Variants in RASA1 observed in about 807,000 individuals in gnomAD.
RASA1 encodes ras GTPase-activating protein 1.
A neutral mutation model predicts 132.2 loss-of-function variants in RASA1; 25 were observed. The ratio of observed to expected loss-of-function variants is 0.19; its 90% CI spans 0.14 to 0.26. RASA1 has a LOEUF of 0.26. RASA1 is among the 10% of genes least tolerant of loss of function. The probability of loss-of-function intolerance (pLI) is 1.00; values close to 1 mark genes in which losing one functional copy is unlikely to be tolerated. For missense variants in RASA1, 964 were observed against 1,299.2 expected, an observed-to-expected ratio of 0.74 and a Z score of 3.97; for synonymous variants, 477 against 449.9, an observed-to-expected ratio of 1.06 and a Z score of -0.76.
intron 21 of RASA1, 90 bp downstream of exon 21, chr5:87,383,870 T>C (rs1761895529): frequency 8.5e-7 from 1 of 1,179,850 alleles, no homozygotes; most frequent in African/African-American, 1.6e-5. Context: ...TTTTTTTTTT[T>C]TTTGATCATC....
intron 1 of RASA1, among the ~76,000 whole-genome samples, chr5:87,286,264 A>G (rs986373466): frequency 6.6e-6 from 1 of 152,132 alleles, no homozygotes; most frequent in Non-Finnish European, 1.5e-5. Context: ...TTGGCCTCCC[A>G]AAAGGATCTG....
intron 1 of RASA1, among the ~76,000 whole-genome samples, chr5:87,295,751 A>G (rs1032741147): frequency 6.6e-5 from 10 of 151,324 alleles, no homozygotes; most frequent in African/African-American, 1.9e-4. Context: ...GGCTAAAGCA[A>G]TCCACTCACC....
chr5:87,353,045 T>C, intron 8 of RASA1, 112 bp from the exon 9 acceptor site: 1 of 756,254 alleles, frequency 1.3e-6, no homozygotes, highest in Non-Finnish European at 2.3e-6. Flanking sequence ...TGTTATGTGC[T>C]TTGAAAAAAA....
intron 15 of RASA1, among the ~76,000 whole-genome samples, chr5:87,375,536 C>T (rs1281891096): frequency 6.6e-6 from 1 of 152,178 alleles, no homozygotes; most frequent in African/African-American, 2.4e-5. Flanking sequence ...GCTGGGATTA[C>T]ATTACCATAT....
At chr5:87,362,901 TCTTTC>T (rs1460496598) in intron 10 of RASA1, among the ~76,000 whole-genome samples, 2 of 151,506 alleles carry the variant, frequency 1.3e-5, no homozygotes, top group African/African-American at 4.8e-5. Flanking sequence ...TTTCTTTCTT[TCTTTC>T]TTTTTTTTTT....
At position 87,268,024 on chromosome 5, in the gene RASA1, G is replaced by C; in HGVS notation, c.-428G>C. The C allele has an allele frequency of 5.0e-6, 2 of 398,590 alleles. No individual in the cohort carries two copies. Among genetic ancestry groups the C allele is most frequent in the Non-Finnish European group, 4.4e-6 (1 of 226,860 alleles). The allele number at this position is 398,590 out of a possible 1,614,324, so 24.7% of individuals were successfully genotyped here. A position where few individuals can be genotyped will look rare whatever the true frequency, so the allele number is the denominator to read the frequency against. On this transcript the variant is annotated 5_prime_UTR_variant, in exon 1 of 25. Coordinates refer to ENST00000274376, the MANE Select transcript of RASA1 (RefSeq NM_002890.3). ...TGGCCCCAGCCTCAGCAGCGGCACC[G>C]GCGGTGGCTGCGGTGTGGGTGGCCG... is the stretch of plus-strand genomic sequence containing the variant.
intron 1 of RASA1, among the ~76,000 whole-genome samples, chr5:87,330,315 A>C (rs1246287410): frequency 6.6e-6 from 1 of 152,122 alleles, no homozygotes; most frequent in Non-Finnish European, 1.5e-5. Flanking sequence ...ATTGGCTTAT[A>C]TATTATATAA....
At chr5:87,334,606 C>T (rs1221910101) in intron 4 of RASA1, among the ~76,000 whole-genome samples, 6 of 152,140 alleles carry the variant, frequency 3.9e-5, no homozygotes, top group Admixed American at 2.0e-4. Flanking sequence ...AATGATGGTA[C>T]AAAAGCAATG....
chr5:87,302,075 G>GT (rs1331380920), intron 1 of RASA1, among the ~76,000 whole-genome samples: 5 of 152,048 alleles, frequency 3.3e-5, no homozygotes, highest in African/African-American at 1.2e-4. Context: ...GAATTGCTGG[G>GT]TCATAGGATG....
intron 6 of RASA1, among the ~76,000 whole-genome samples, chr5:87,343,885 A>G (rs1373591972): frequency 6.6e-6 from 1 of 152,212 alleles, no homozygotes; most frequent in African/African-American, 2.4e-5. Context: ...CTATTCAGCC[A>G]TAAACAAGAA....
intron 22 of RASA1, 107 bp from the exon 23 acceptor site, chr5:87,386,719 T>C (rs1580410806): frequency 4.4e-6 from 4 of 899,566 alleles, no homozygotes; most frequent in Admixed American, 3.5e-5. Flanking sequence ...TTTGGTGCAA[T>C]AGTAATTGCA....
At chr5:87,387,014 C>T (rs1248388526) in intron 23 of RASA1, 111 bp downstream of exon 23, 3 of 1,040,076 alleles carry the variant, frequency 2.9e-6, no homozygotes, top group African/African-American at 3.3e-5. Flanking sequence ...ACTAAAAAGA[C>T]AAAAAGCCTG....
chr5:87,343,133 G>T (rs1165986283), intron 6 of RASA1, among the ~76,000 whole-genome samples: 2 of 152,078 alleles, frequency 1.3e-5, no homozygotes, highest in Non-Finnish European at 2.9e-5. Context: ...AGTGTCCTCA[G>T]TAACATCTAC....
intron 7 of RASA1, among the ~76,000 whole-genome samples, 197 bp downstream of exon 7, chr5:87,346,921 T>G (rs1758904076): frequency 6.6e-6 from 1 of 151,994 alleles, no homozygotes; most frequent in Admixed American, 6.6e-5. Flanking sequence ...TCAAGTGTGT[T>G]TTTCTTTTAC....
At chr5:87,312,952 G>T (rs537146608) in intron 1 of RASA1, among the ~76,000 whole-genome samples, 46 of 152,308 alleles carry the variant, frequency 3.0e-4, no homozygotes, top group Non-Finnish European at 4.4e-4. Context: ...GAGTAGGCCA[G>T]ATTATTGAAG....
rs1554044823 is a variant in RASA1 at position 87,331,464 on chromosome 5, C to T, written c.656C>T (p.Ser219Leu). Residue 219 changes from serine to leucine, a missense_variant, in exon 2 of 25, where the codon TCA (serine) becomes TTA (leucine). This residue lies in a region of RASA1 where 154 missense variants were observed against 286.5 expected (regional missense o/e 0.54). Transcript: ENST00000274376. ...CGGAGGCCAGGGTCCTTTGTACTTT[C>T]ATTTCTTAGCCAGATGAATGTTGTC... ...SDRRPGSFVL[S>L]FLSQMNVVNH... The T allele has an allele frequency of 6.2e-7, 1 of 1,613,870 alleles. No individual in the cohort carries two copies. Among genetic ancestry groups the T allele is most frequent in the Non-Finnish European group, 8.5e-7 (1 of 1,179,844 alleles).
chr5:87,387,116 T>A (rs1395384926), intron 23 of RASA1, among the ~76,000 whole-genome samples: 1 of 152,176 alleles, frequency 6.6e-6, no homozygotes, highest in Non-Finnish European at 1.5e-5. Flanking sequence ...CACCAAAGCA[T>A]ACATTATTGT....
Position 87,353,223 on chromosome 5 carries a change from T to C in RASA1, c.1320T>C (p.Pro440=), listed in dbSNP as rs758200534. 5 of 1,606,178 alleles carry C rather than the reference T, an allele frequency of 3.1e-6. No individual in the cohort carries two copies. The Admixed American group carries it at 6.7e-5, about 21-fold the overall frequency. The part of the protein sequence containing the change: ...QIVEGYYLKE[P]VPMQDQEQVL... ...TTGAAGGATATTATCTTAAGGAACC[T>C]GTACCAATGCAGGTCAGTGTTGCAT... Residue 440 remains proline, a synonymous_variant, in exon 9 of 25, where the codon CCT becomes CCC. Coordinates refer to ENST00000274376, the MANE Select transcript of RASA1 (RefSeq NM_002890.3).
chr5:87,294,707 T>G lies in RASA1; in HGVS notation c.539+25717T>G, dbSNP rs549823454. On this transcript the variant is annotated intron_variant, in intron 1 of 24. Transcript: ENST00000274376. The stretch of plus-strand genomic sequence containing the variant: ...TTTCTAGTTTAATTCTGTGGTCTGA[T>G]AGTAGACATTATATGATTTCTATAC... Among the ~76,000 whole-genome samples, 26 of 152,354 alleles carry G rather than the reference T, an allele frequency of 1.7e-4. 1 individual carries two copies. Among genetic ancestry groups the G allele is most frequent in the South Asian group, 1.2e-3 (6 of 4,826 alleles).
Sources: allele counts gnomAD v4.1 joint callset (sites outside exome capture counted in the v4.1 genomes callset), GRCh38; gene constraint gnomAD v4.1.1; regional missense constraint gnomAD v4.1.1; transcripts MANE v1.5; gene names NCBI Gene and HGNC (gene_info 2026-07-23, HGNC 2026-07-21).